MLLT1: variants seen among roughly 807,000 people sequenced by gnomAD.
MLLT1 encodes the protein MLLT1 super elongation complex subunit.
MLLT1 carries 11 observed loss-of-function variants against 55.1 expected under a neutral mutation model. The observed-to-expected ratio is 0.20, with a 90% CI of 0.13 to 0.33. MLLT1 has a LOEUF of 0.33. Among genes scored for constraint, MLLT1 ranks in the 10% least tolerant of loss-of-function variants. The probability of loss-of-function intolerance (pLI) is 1.00; values close to 1 mark genes in which losing one functional copy is unlikely to be tolerated. For missense variants in MLLT1, 536 were observed against 760.6 expected (o/e 0.70, Z 3.47); for synonymous variants, 323 against 320.1 (o/e 1.01, Z -0.10).
chr19:6,240,862 G>C lies in MLLT1; in HGVS notation c.277-10149C>G, dbSNP rs2091107178. On this transcript the variant is annotated intron_variant, in intron 3 of 11. Coordinates refer to ENST00000252674, the MANE Select transcript of MLLT1 (RefSeq NM_005934.4). The surrounding 1 kb of genome is among the most constrained non-coding windows in gnomAD (Gnocchi z 4.7). ...AGCAATTAGAAACCAAAAGGAGGAG[G>C]CAGAAATGCAGACACCACATTTTAA... Among the ~76,000 whole-genome samples the C allele has an allele frequency of 6.6e-6, 1 of 152,178 alleles. No homozygotes were observed. The highest frequency in any genetic ancestry group is 2.4e-5 in the African/African-American group (1 of 41,430).
chr19:6,260,027 C>T (rs1163461957), intron 3 of MLLT1, among the ~76,000 whole-genome samples: 1 of 152,170 alleles, frequency 6.6e-6, no homozygotes, highest in Non-Finnish European at 1.5e-5. Context: ...AGGGAGCTGG[C>T]ACCACGCTTG....
In MLLT1 at chr19:6,273,401, G is replaced by A. The variant is rs1176640171; in HGVS notation, c.13-2642C>T. ...CCCAGTGTGGGAAGAAAGTGGGGAT[G>A]GACGGAAGATCAGGCGCACTCATAA... On this transcript the variant is annotated intron_variant, in intron 1 of 11. Transcript: ENST00000252674. The surrounding 1 kb of genome is among the most constrained non-coding windows in gnomAD (Gnocchi z 4.3). Among the ~76,000 whole-genome samples, 1 of 152,188 alleles carries A rather than the reference G, an allele frequency of 6.6e-6. No homozygotes were observed. The highest frequency in any genetic ancestry group is 1.5e-5 in the Non-Finnish European group (1 of 68,024).
At chr19:6,261,913 C>T (rs1335162122) in intron 3 of MLLT1, among the ~76,000 whole-genome samples, 5 of 152,146 alleles carry the variant, frequency 3.3e-5, no homozygotes, top group Non-Finnish European at 7.3e-5. Context: ...CCTCTAGGAC[C>T]GTCGAGGAAG....
chr19:6,214,875 T>C (rs751862524), intron 8 of MLLT1, among the ~76,000 whole-genome samples: 1 of 152,088 alleles, frequency 6.6e-6, no homozygotes, highest in Non-Finnish European at 1.5e-5. Context: ...ACAGCCATTG[T>C]CCCTGTTCCT....
chr19:6,243,999 A>G (rs928989060), intron 3 of MLLT1, among the ~76,000 whole-genome samples: 4 of 146,302 alleles, frequency 2.7e-5, no homozygotes, highest in Admixed American at 2.1e-4. Flanking sequence ...AGCCGAGATC[A>G]CGCCACTGCA....
rs1310208831 is a variant in MLLT1 at position 6,270,549 on chromosome 19, T to C, written c.193+30A>G. On this transcript the variant is annotated intron_variant, in intron 2 of 11. Coordinates refer to ENST00000252674, the MANE Select transcript of MLLT1 (RefSeq NM_005934.4). The surrounding 1 kb of genome is among the most constrained non-coding windows in gnomAD (Gnocchi z 7.1). Reference sequence around the variant, plus strand: ...GGAGTGAAGACAGATGGGTCCGTGCTGTGGGCACTCAGGGCTTGAGGCCAC... The same window carrying C: ...GGAGTGAAGACAGATGGGTCCGTGCCGTGGGCACTCAGGGCTTGAGGCCAC... 1 of 1,594,446 alleles carries C rather than the reference T, an allele frequency of 6.3e-7. No individual in the cohort carries two copies. The highest frequency in any genetic ancestry group is 1.7e-5 in the Admixed American group (1 of 59,202).
rs888528758 is a variant in MLLT1 at position 6,219,273 on chromosome 19, C to A, written c.1111-1232G>T. ...CTCCTGCCCCTCAAACCAGCCCCTG[C>A]CAGCGCCCCTTCCCACCAACACATG... On this transcript the variant is annotated intron_variant, in intron 6 of 11. Transcript: ENST00000252674. The surrounding 1 kb of genome is among the most constrained non-coding windows in gnomAD (Gnocchi z 4.5). Among the ~76,000 whole-genome samples, 3 of 152,176 alleles carry A rather than the reference C, an allele frequency of 2.0e-5. No homozygotes were observed. Among genetic ancestry groups the A allele is most frequent in the African/African-American group, 7.2e-5 (3 of 41,446 alleles).
intron 3 of MLLT1, among the ~76,000 whole-genome samples, chr19:6,255,869 G>A (rs2091252728): frequency 6.6e-6 from 1 of 152,224 alleles, no homozygotes; most frequent in Admixed American, 6.5e-5. Flanking sequence ...ACTCACACCT[G>A]TAATTCCAGC....
rs1023011145 is a variant in MLLT1, at chr19:6,273,898, T to C, written c.13-3139A>G. 2.0e-5 allele frequency among the ~76,000 whole-genome samples: 3 copies of C among 152,116 alleles called. No homozygotes were observed. Among genetic ancestry groups the C allele is most frequent in the African/African-American group, 7.2e-5 (3 of 41,416 alleles). ...GGGCACGCAGGCGGCAGAGCAGTTATTGTGAAAGAGTGAAAGACCGCGGTT... is the reference window on the plus strand; with the variant it reads ...GGGCACGCAGGCGGCAGAGCAGTTACTGTGAAAGAGTGAAAGACCGCGGTT... On this transcript the variant is annotated intron_variant, in intron 1 of 11. Coordinates refer to ENST00000252674, the MANE Select transcript of MLLT1 (RefSeq NM_005934.4). The surrounding 1 kb of genome is among the most constrained non-coding windows in gnomAD (Gnocchi z 4.3).
At chr19:6,224,945 G>T (rs1396352396) in intron 5 of MLLT1, among the ~76,000 whole-genome samples, 1 of 152,176 alleles carries the variant, frequency 6.6e-6, no homozygotes, top group Non-Finnish European at 1.5e-5. Context: ...TAGCCAGGAT[G>T]GTCTCCATCT....
rs956081213 is a variant in MLLT1 at position 6,229,499 on chromosome 19, C to T, written c.420+1071G>A. The stretch of plus-strand genomic sequence containing the variant: ...CTCAGGAGGCGACCCACCCCACCCG[C>T]ATACCCCACACGTCATACATGCCAC... On this transcript the variant is annotated intron_variant, in intron 4 of 11. Coordinates refer to ENST00000252674, the MANE Select transcript of MLLT1 (RefSeq NM_005934.4). The surrounding 1 kb of genome is among the most constrained non-coding windows in gnomAD (Gnocchi z 5.2). Among the ~76,000 whole-genome samples the T allele has an allele frequency of 1.6e-4, 25 of 151,972 alleles. No homozygotes were observed. Among genetic ancestry groups the T allele is most frequent in the African/African-American group, 5.8e-4 (24 of 41,358 alleles).
At chr19:6,244,120 C>T (rs929366369) in intron 3 of MLLT1, among the ~76,000 whole-genome samples, 22 of 151,882 alleles carry the variant, frequency 1.4e-4, no homozygotes, top group Admixed American at 6.6e-4. Flanking sequence ...ACTGGGTCCC[C>T]GTGACACACT....
Position 6,235,499 on chromosome 19 carries a change from G to A in MLLT1, c.277-4786C>T, listed in dbSNP as rs1291641039. 2.6e-5 allele frequency among the ~76,000 whole-genome samples: 4 copies of A among 152,310 alleles called. No individual in the cohort carries two copies. In the South Asian group the frequency reaches 6.2e-4, roughly 24 times the overall value. On this transcript the variant is annotated intron_variant, in intron 3 of 11. Coordinates refer to ENST00000252674, the MANE Select transcript of MLLT1 (RefSeq NM_005934.4). The surrounding 1 kb of genome is among the most constrained non-coding windows in gnomAD (Gnocchi z 5.5). ...GGCACCTGGGGAGGCGCAGCCAGACGGTACCAAAGCACTGGGATGCCCCAG... is the reference window on the plus strand; with the variant it reads ...GGCACCTGGGGAGGCGCAGCCAGACAGTACCAAAGCACTGGGATGCCCCAG...
chr19:6,215,948 G>A (rs570984410), intron 8 of MLLT1, among the ~76,000 whole-genome samples: 20 of 143,574 alleles, frequency 1.4e-4, no homozygotes, highest in Admixed American at 2.7e-4. Context: ...GGCAGCCAAA[G>A]CTGCTCCCAC....
intron 3 of MLLT1, among the ~76,000 whole-genome samples, chr19:6,251,635 A>G (rs1455471375): frequency 6.6e-6 from 1 of 152,190 alleles, no homozygotes; most frequent in Non-Finnish European, 1.5e-5. Flanking sequence ...ATTAAGAAAT[A>G]CCTAGAGGAC....
chr19:6,233,351 G>A (rs1431285479), intron 3 of MLLT1, among the ~76,000 whole-genome samples: 2 of 152,210 alleles, frequency 1.3e-5, no homozygotes, highest in Non-Finnish European at 2.9e-5. Context: ...GCAGACAAGT[G>A]AACATGAACA....
intron 5 of MLLT1, among the ~76,000 whole-genome samples, chr19:6,223,365 C>G (rs1028664221): frequency 1.1e-4 from 17 of 152,204 alleles, no homozygotes; most frequent in Non-Finnish European, 2.2e-4. Context: ...TCCTAAAACA[C>G]CGAGGACATT....
intron 8 of MLLT1, among the ~76,000 whole-genome samples, chr19:6,216,086 C>T (rs1312711400): frequency 6.6e-6 from 1 of 152,136 alleles, no homozygotes; most frequent in Non-Finnish European, 1.5e-5. Context: ...CCCCCACCTC[C>T]AGCCTGGGCT....
At chr19:6,260,737 T>C (rs1025091857) in intron 3 of MLLT1, among the ~76,000 whole-genome samples, 3 of 152,350 alleles carry the variant, frequency 2.0e-5, no homozygotes, top group Middle Eastern at 3.4e-3. Flanking sequence ...TCCCAGCTAC[T>C]TGGGAGGCTG....
Sources: allele counts gnomAD v4.1 joint callset (sites outside exome capture counted in the v4.1 genomes callset), GRCh38; gene constraint gnomAD v4.1.1; non-coding constraint Gnocchi (gnomAD v3.1); transcripts MANE v1.5; gene names NCBI Gene and HGNC (gene_info 2026-07-23, HGNC 2026-07-21).